The following GALNT6 variants were observed in gnomAD, a reference collection of about 807,000 sequenced individuals.
GALNT6 encodes polypeptide N-acetylgalactosaminyltransferase 6.
GALNT6 carries 51 observed loss-of-function variants against 65.9 expected under a neutral mutation model. The ratio of observed to expected loss-of-function variants is 0.77; its 90% CI spans 0.62 to 0.98. The LOEUF (loss-of-function observed/expected upper bound fraction) is 0.98, where lower values mean the gene tolerates loss of function less well. Among genes scored for constraint, GALNT6 ranks in the 50% least tolerant of loss-of-function variants. GALNT6 has a pLI of 0.00. For missense variants in GALNT6, 708 were observed against 803.3 expected, an observed-to-expected ratio of 0.88 and a Z score of 1.43; for synonymous variants, 323 against 315.1, an observed-to-expected ratio of 1.02 and a Z score of -0.26.
upstream of GALNT6, chr12:51,391,519 C>G (rs935771557): frequency 9.8e-5 from 15 of 153,736 alleles, no homozygotes; most frequent in African/African-American, 3.6e-4. Context: ...GAAGCGAGAT[C>G]CGCCGAAGGG....
intron 10 of GALNT6, among the ~76,000 whole-genome samples, chr12:51,357,052 G>C (rs561406388): frequency 2.0e-5 from 3 of 152,160 alleles, no homozygotes; most frequent in African/African-American, 7.2e-5. Context: ...GATGGGATGT[G>C]CTGGAAAATT....
chr12:51,373,036 G>A (rs1331701480), intron 4 of GALNT6, among the ~76,000 whole-genome samples: 2 of 152,142 alleles, frequency 1.3e-5, no homozygotes, highest in Non-Finnish European at 2.9e-5. Context: ...TACCTCCATT[G>A]TATCTAGGAA....
Position 51,357,446 on chromosome 12 carries a change from T to C in GALNT6, c.1505A>G (p.Lys502Arg), listed in dbSNP as rs1565711456. Residue 502 changes from lysine (K) to arginine (R), a missense_variant, in exon 10 of 12, where the codon AAG (lysine) becomes AGG (arginine). Transcript: ENST00000356317. ...CAGGCATTGGTTGGTGCCGAGGTTC[T>C]TGATCTGCAGAAGGGTGAGCAGAGA... is the stretch of plus-strand genomic sequence containing the variant. Reference protein sequence around the residue: ...DLTPTFYGAIKNLGTNQCLDV... With the variant: ...DLTPTFYGAIRNLGTNQCLDV... 1 of 1,611,268 alleles carries C rather than the reference T, an allele frequency of 6.2e-7. No homozygotes were observed. The highest frequency in any genetic ancestry group is 1.3e-5 in the African/African-American group (1 of 75,010).
intron 2 of GALNT6, among the ~76,000 whole-genome samples, chr12:51,381,970 G>A (rs1947687809): frequency 6.6e-6 from 1 of 152,238 alleles, no homozygotes; most frequent in African/African-American, 2.4e-5. Flanking sequence ...ACAAGCTCCT[G>A]CCTGTGGAGA....
chr12:51,379,588 C>A lies in GALNT6; in HGVS notation c.194G>T (p.Arg65Ile). 6.2e-7 allele frequency: 1 copy of A among 1,614,172 alleles called. No individual in the cohort carries two copies. The highest frequency in any genetic ancestry group is 8.5e-7 in the Non-Finnish European group (1 of 1,180,030). ...DLMLEAMNNL[R>I]DSMPKLQIRA... ...GATTTGGAGCTTGGGCATTGAATCTCTAAGGTTGTTCATGGCCTCCAGCAT... is the reference window on the plus strand; with the variant it reads ...GATTTGGAGCTTGGGCATTGAATCTATAAGGTTGTTCATGGCCTCCAGCAT... Residue 65 changes from arginine to isoleucine, a missense_variant, in exon 3 of 12, where the codon AGA becomes ATA. By Grantham distance (97) the Arg-to-Ile change is moderately conservative. Coordinates refer to ENST00000356317, the MANE Select transcript of GALNT6 (RefSeq NM_007210.4).
At chr12:51,375,476 T>G (rs1020257618) in intron 4 of GALNT6, among the ~76,000 whole-genome samples, 3 of 152,162 alleles carry the variant, frequency 2.0e-5, no homozygotes, top group African/African-American at 7.2e-5. Context: ...CACTCTTACT[T>G]GATGCCAGCC....
At chr12:51,370,619 C>G (rs549094362) in intron 4 of GALNT6, among the ~76,000 whole-genome samples, 6 of 152,310 alleles carry the variant, frequency 3.9e-5, no homozygotes, top group African/African-American at 1.4e-4. Context: ...AGGACAAATA[C>G]TGTATGATTC....
At chr12:51,383,045 G>A (rs776258232) in intron 2 of GALNT6, among the ~76,000 whole-genome samples, 3 of 152,196 alleles carry the variant, frequency 2.0e-5, no homozygotes. Context: ...TTTGAACCCT[G>A]ACTATATTAC....
At chr12:51,363,331 C>A (rs1946986427) in intron 6 of GALNT6, among the ~76,000 whole-genome samples, 1 of 152,130 alleles carries the variant, frequency 6.6e-6, no homozygotes, top group Non-Finnish European at 1.5e-5. Flanking sequence ...GAAAGGTGAG[C>A]CCAGTGGGCA....
rs139954707 is a variant in GALNT6 at position 51,365,458 on chromosome 12, C to T, written c.786G>A (p.Ala262=). 3.3e-4 allele frequency: 538 copies of T among 1,611,646 alleles called. 2 individuals are homozygous for T. Among genetic ancestry groups the T allele is most frequent in the African/African-American group, 3.0e-3 (224 of 74,974 alleles). The change falls in exon 5 of 12, where the codon GCG becomes GCA. Residue 262 remains alanine, a synonymous_variant. Coordinates refer to ENST00000356317, the MANE Select transcript of GALNT6 (RefSeq NM_007210.4). ...ARLLGASVAQ[A]EVLTFLDAHC... ...GGGCATCCAGGAACGTGAGCACCTC[C>T]GCCTGTGCCACGCTGGCCCCCAGCA...
At chr12:51,365,347 G>C in intron 5 of GALNT6, 83 bp downstream of exon 5, 1 of 1,326,528 alleles carries the variant, frequency 7.5e-7, no homozygotes, top group Non-Finnish European at 1.0e-6. Context: ...ACAGGAAGGG[G>C]CCTTGGGGAG....
intron 4 of GALNT6, among the ~76,000 whole-genome samples, chr12:51,368,168 T>C (rs1361707119): frequency 6.6e-6 from 1 of 151,502 alleles, no homozygotes; most frequent in Admixed American, 6.6e-5. Flanking sequence ...CAGATTAAGA[T>C]GAGAAGGCCA....
chr12:51,368,474 G>A (rs1947184673), intron 4 of GALNT6, among the ~76,000 whole-genome samples: 1 of 147,982 alleles, frequency 6.8e-6, no homozygotes, highest in Non-Finnish European at 1.5e-5. Context: ...GTGCAATCTC[G>A]ACTCACCACA....
Position 51,354,008 on chromosome 12 carries a change from C to T in GALNT6, c.*371G>A. The T allele has an allele frequency of 5.7e-6, 1 of 176,694 alleles. No homozygotes were observed. Among genetic ancestry groups the T allele is most frequent in the Non-Finnish European group, 1.2e-5 (1 of 85,276 alleles). The allele number at this position is 176,694 out of a possible 1,614,324, so 10.9% of individuals were successfully genotyped here. The stretch of plus-strand genomic sequence containing the variant: ...GAACTCCTGGGCTCAAGCCATTCTC[C>T]CACATTGTCTTCCCAAAGTGCTAGG... On this transcript the variant is annotated 3_prime_UTR_variant, in exon 12 of 12. Coordinates refer to ENST00000356317, the MANE Select transcript of GALNT6 (RefSeq NM_007210.4).
Position 51,353,144 on chromosome 12 carries a change from G to A in GALNT6, c.*1235C>T, listed in dbSNP as rs899163880. The A allele has an allele frequency of 2.6e-5, 4 of 152,252 alleles. No individual in the cohort carries two copies. The highest frequency in any genetic ancestry group is 9.6e-5 in the African/African-American group (4 of 41,456). The allele number at this position is 152,252 out of a possible 1,614,324, so 9.4% of individuals were successfully genotyped here. On this transcript the variant is annotated 3_prime_UTR_variant, in exon 12 of 12. Transcript: ENST00000356317. ...CAGTCTTGGCTCCAGCCATCTGCTA[G>A]CTATGGGACTACAGACAAGCCCCTT...
intron 7 of GALNT6, 110 bp downstream of exon 7, chr12:51,360,611 C>G: frequency 1.4e-6 from 1 of 716,106 alleles, no homozygotes; most frequent in Middle Eastern, 3.5e-4. Flanking sequence ...GCCACCCTTT[C>G]TAGTTCAGTT....
In GALNT6 at chr12:51,379,791, C is replaced by T. The variant is rs200849756; in HGVS notation, c.-10G>A. On this transcript the variant is annotated 5_prime_UTR_variant, in exon 3 of 12. Coordinates refer to ENST00000356317, the MANE Select transcript of GALNT6 (RefSeq NM_007210.4). ...TGCGGAGGAGCCTCATCCTCCAGAACCAAGGGGCACCCCAGCTGCGTCAGC... is the reference window on the plus strand; with the variant it reads ...TGCGGAGGAGCCTCATCCTCCAGAATCAAGGGGCACCCCAGCTGCGTCAGC... 3.5e-4 allele frequency: 553 copies of T among 1,594,566 alleles called. 3 individuals carry two copies. In the African/African-American group the frequency reaches 6.4e-3, roughly 18 times the overall value.
rs550549285 is a variant in GALNT6 at position 51,387,296 on chromosome 12, C to T, written c.-104+3554G>A. On this transcript the variant is annotated intron_variant, in intron 2 of 11. Coordinates refer to ENST00000356317, the MANE Select transcript of GALNT6 (RefSeq NM_007210.4). The surrounding 1 kb of genome is among the most constrained non-coding windows in gnomAD (Gnocchi z 4.2). ...TATTTTTTTAGTAGAGACAGTGTTT[C>T]GCCATGTTGGCCAGGCTAGTCTTGA... is the stretch of plus-strand genomic sequence containing the variant. 3.0e-4 allele frequency among the ~76,000 whole-genome samples: 46 copies of T among 152,260 alleles called. No individual in the cohort carries two copies. The highest frequency in any genetic ancestry group is 2.1e-3 in the East Asian group (11 of 5,184).
At chr12:51,364,405 G>A in intron 5 of GALNT6, 50 bp from the exon 6 acceptor site, 1 of 1,302,346 alleles carries the variant, frequency 7.7e-7, no homozygotes. Context: ...CCACAGCAGA[G>A]CCCAAGCTGC....
Sources: gnomAD v4.1 joint callset for allele counts (sites outside exome capture counted in the v4.1 genomes callset) on GRCh38, gnomAD v4.1.1 for gene constraint, Gnocchi (gnomAD v3.1) non-coding constraint, MANE v1.5 for transcripts, NCBI Gene and HGNC (gene_info 2026-07-23, HGNC 2026-07-21) for gene names.